The following SERPINB11 variants were observed in gnomAD, a reference collection of about 807,000 sequenced individuals.
SERPINB11 encodes the protein serpin family B member 11, also known as serpin B11.
Under a neutral mutation model 36.7 loss-of-function variants are expected in SERPINB11, and 32 were observed. The observed-to-expected ratio is 0.87, with a 90% CI of 0.66 to 1.17. The LOEUF (loss-of-function observed/expected upper bound fraction) is 1.17, where lower values mean the gene tolerates loss of function less well. SERPINB11 is among the 50% of genes most tolerant of loss of function. The pLI, the probability that SERPINB11 is intolerant of heterozygous loss-of-function variation, is 0.00. For missense variants in SERPINB11, 528 were observed against 458.4 expected, an observed-to-expected ratio of 1.15 and a Z score of -1.39; for synonymous variants, 174 against 168.1, an observed-to-expected ratio of 1.04 and a Z score of -0.27.
Position 63,720,877 on chromosome 18 carries a change from A to T in SERPINB11, c.665A>T (p.Lys222Ile). The T allele has an allele frequency of 6.3e-7, 1 of 1,577,532 alleles. No individual in the cohort carries two copies. The highest frequency in any genetic ancestry group is 8.6e-7 in the Non-Finnish European group (1 of 1,160,272). Reference sequence around the variant, plus strand: ...ATGATGTATCAAATTGGAACATTTAAACTGGCCTTTGTAAAGGAGCCGCAG... The same window carrying T: ...ATGATGTATCAAATTGGAACATTTATACTGGCCTTTGTAAAGGAGCCGCAG... ...VEMMYQIGTF[K>I]LAFVKEPQMQ... Residue 222 changes from lysine (K) to isoleucine (I), a missense_variant, in exon 7 of 8, where the codon AAA becomes ATA. By Grantham distance (102) the Lys-to-Ile change is moderately radical. Coordinates refer to ENST00000544088, the MANE Select transcript of SERPINB11 (RefSeq NM_001370475.1).
Position 63,723,043 on chromosome 18 carries a change from T to C in SERPINB11, c.823T>C (p.Ser275Pro). The C allele has an allele frequency of 1.2e-6, 2 of 1,601,390 alleles. No homozygotes were observed. The highest frequency in any genetic ancestry group is 1.7e-6 in the Non-Finnish European group (2 of 1,174,044). Residue 275 changes from serine to proline, a missense_variant, in exon 8 of 8, where the codon TCT becomes CCT. Transcript: ENST00000544088. ...SGTFHEWTSSSNMMEREVEVH... is the reference protein window; with the variant it reads ...SGTFHEWTSSPNMMEREVEVH... ...GACGTTTCATGAGTGGACAAGCTCT[T>C]CTAACATGATGGAAAGAGAAGTTGA... is the stretch of plus-strand genomic sequence containing the variant.
In SERPINB11 at chr18:63,712,582, A is replaced by G. The variant is rs1324064000; in HGVS notation, c.246A>G (p.Arg82=). ...KDSPKCSQAG[R]IHSEFGVEFS... ...TGCTTCAGTGCAGCCAAGCTGGAAG[A>G]ATTCATTCCGAGTTTGGTGTCGAAT... The change falls in exon 4 of 8, where the codon AGA becomes AGG. Residue 82 remains arginine (R), a synonymous_variant. Coordinates refer to ENST00000544088, the MANE Select transcript of SERPINB11 (RefSeq NM_001370475.1). 2 of 1,613,798 alleles carry G rather than the reference A, an allele frequency of 1.2e-6. No homozygotes were observed. The highest frequency in any genetic ancestry group is 1.7e-6 in the Non-Finnish European group (2 of 1,179,720).
At chr18:63,709,597 C>A (rs565788039) in intron 1 of SERPINB11, among the ~76,000 whole-genome samples, 1 of 79,550 alleles carries the variant, frequency 1.3e-5, no homozygotes, top group Admixed American at 1.5e-4. Flanking sequence ...GGCGACAGAG[C>A]GAGATTCTGT....
intron 1 of SERPINB11, among the ~76,000 whole-genome samples, chr18:63,708,886 G>C (rs1483865530): frequency 6.6e-6 from 1 of 152,212 alleles, no homozygotes; most frequent in East Asian, 1.9e-4. Context: ...CGATTCTGCA[G>C]AAGAGACTGA....
intron 2 of SERPINB11, among the ~76,000 whole-genome samples, chr18:63,710,710 A>C (rs1914500755): frequency 6.6e-6 from 1 of 152,188 alleles, no homozygotes; most frequent in African/African-American, 2.4e-5. Context: ...ACATAATGCT[A>C]TTTTAGACAT....
chr18:63,706,121 C>T (rs1265732771), intron 1 of SERPINB11, among the ~76,000 whole-genome samples: 1 of 152,144 alleles, frequency 6.6e-6, no homozygotes, highest in Non-Finnish European at 1.5e-5. Flanking sequence ...CTACTGGGTC[C>T]TATTACACTG....
At chr18:63,704,509 A>G (rs1429083319) in intron 1 of SERPINB11, among the ~76,000 whole-genome samples, 1 of 152,238 alleles carries the variant, frequency 6.6e-6, no homozygotes, top group East Asian at 1.9e-4. Flanking sequence ...AACAAAGTTC[A>G]TTTGATATTT....
At chr18:63,716,749 T>C (rs1914678622) in intron 5 of SERPINB11, among the ~76,000 whole-genome samples, 1 of 152,040 alleles carries the variant, frequency 6.6e-6, no homozygotes, top group African/African-American at 2.4e-5. Flanking sequence ...AAAATAATCC[T>C]TTAATGTTAA....
intron 1 of SERPINB11, among the ~76,000 whole-genome samples, chr18:63,708,648 T>G (rs1194559326): frequency 6.6e-6 from 1 of 152,142 alleles, no homozygotes; most frequent in African/African-American, 2.4e-5. Context: ...CTTTTGGACA[T>G]GTTAAGTTTG....
At chr18:63,709,537 G>T (rs997772711) in intron 1 of SERPINB11, among the ~76,000 whole-genome samples, 2 of 151,986 alleles carry the variant, frequency 1.3e-5, no homozygotes, top group Non-Finnish European at 2.9e-5. Context: ...CATGAACCCA[G>T]GAGGCGGAGC....
chr18:63,722,944 T>A, intron 7 of SERPINB11, 51 bp from the exon 8 acceptor site: 1 of 1,470,952 alleles, frequency 6.8e-7, no homozygotes, highest in Non-Finnish European at 9.0e-7. Context: ...ATATTTAATG[T>A]AGAGGTCGTG....
At position 63,710,478 on chromosome 18, in the gene SERPINB11, AAC is replaced by A; in HGVS notation, c.168+121_168+122del. The A allele has an allele frequency of 5.5e-6, 4 of 726,380 alleles. No homozygotes were observed. The East Asian group carries it at 8.5e-5, about 15-fold the overall frequency. 45.0% of individuals were successfully genotyped at this position (726,380 alleles called of 1,614,324 possible). The stretch of plus-strand genomic sequence containing the variant: ...AAAATTGCCATCTTGAGAGAGAAAA[AAC>A]ACATTGAATAAATCATATTTCTTAA... On this transcript the variant is annotated intron_variant, in intron 2 of 7. Coordinates refer to ENST00000544088, the MANE Select transcript of SERPINB11 (RefSeq NM_001370475.1).
chr18:63,712,736 C>A, intron 4 of SERPINB11, 43 bp downstream of exon 4: 3 of 1,593,160 alleles, frequency 1.9e-6, no homozygotes, highest in South Asian at 2.3e-5. Context: ...TCTTGGCGTC[C>A]TCTGAATTTC....
intron 1 of SERPINB11, among the ~76,000 whole-genome samples, chr18:63,709,323 G>C (rs1230258502): frequency 1.3e-5 from 2 of 152,244 alleles, no homozygotes; most frequent in East Asian, 1.9e-4. Flanking sequence ...ATAAAAATGT[G>C]CTGGAAGTGC....
At chr18:63,704,124 A>T (rs191938905) in intron 1 of SERPINB11, among the ~76,000 whole-genome samples, 35 of 152,332 alleles carry the variant, frequency 2.3e-4, no homozygotes, top group Admixed American at 1.9e-3. Context: ...AACATTAATT[A>T]GACTAGCTGT....
chr18:63,710,486 G>A, intron 2 of SERPINB11, 125 bp downstream of exon 2: 1 of 674,478 alleles, frequency 1.5e-6, no homozygotes, highest in East Asian at 2.9e-5. Flanking sequence ...AAAACACATT[G>A]AATAAATCAT....
intron 5 of SERPINB11, among the ~76,000 whole-genome samples, chr18:63,716,648 T>C (rs865863824): frequency 3.3e-5 from 5 of 152,182 alleles, no homozygotes; most frequent in African/African-American, 1.2e-4. Flanking sequence ...CTAGATATTC[T>C]ATCATTTTCC....
At position 63,720,033 on chromosome 18, in the gene SERPINB11, GGA is replaced by G. The variant is rs369882899; in HGVS notation, c.497_498del (p.Gly166GlufsTer5). ...KTNGKVANLF[G>X]KSTIDPSSVM... ...ACAAGGAAAAGTCGCAAATCTCTTT[GGA>G]AAGAGCACAATTGACCCTTCATCTG... On this transcript the variant is annotated frameshift_variant, in exon 6 of 8. Coordinates refer to ENST00000544088, the MANE Select transcript of SERPINB11 (RefSeq NM_001370475.1). LOFTEE classifies it high-confidence loss of function. 5.9e-4 allele frequency: 947 copies of G among 1,602,224 alleles called. 4 individuals carry two copies. The African/African-American group carries it at 0.011, about 19-fold the overall frequency.
intron 1 of SERPINB11, 78 bp from the exon 2 acceptor site, chr18:63,710,101 G>T (rs759152624): frequency 1.5e-4 from 181 of 1,208,754 alleles, no homozygotes; most frequent in Non-Finnish European, 2.0e-4. Context: ...TTAAACTCAT[G>T]AAATACAATA....
Sources: allele counts gnomAD v4.1 joint callset (sites outside exome capture counted in the v4.1 genomes callset), GRCh38; gene constraint gnomAD v4.1.1; transcripts MANE v1.5; gene names NCBI Gene and HGNC (gene_info 2026-07-23, HGNC 2026-07-21).